Variants in CIROP observed in about 807,000 individuals in gnomAD.
The protein encoded by CIROP is leishmanolysin homolog.
the CIROP span, chr14:23,099,473 C>A: frequency 2.4e-6 from 1 of 412,762 alleles, no homozygotes; most frequent in South Asian, 1.3e-4. Context: ...GGATTATGGT[C>A]TGAAGTAACC....
At chr14:23,103,500 G>A in the CIROP span, 1 of 570,068 alleles carries the variant, frequency 1.8e-6, no homozygotes, top group Non-Finnish European at 3.1e-6. Context: ...GCTGCGGTGA[G>A]CTGTGATTGG....
the CIROP span, chr14:23,100,493 A>C: frequency 4.8e-6 from 2 of 413,350 alleles, no homozygotes; most frequent in Non-Finnish European, 8.8e-6. Flanking sequence ...AGTACTTGGA[A>C]TATCTTACTT....
At chr14:23,099,387 T>C in the CIROP span, 3 of 413,414 alleles carry the variant, frequency 7.3e-6, no homozygotes, top group Non-Finnish European at 1.3e-5. Flanking sequence ...TCTGGTAGGC[T>C]GTGGTTCCCA....
At chr14:23,100,877 G>A in the CIROP span, 2 of 398,930 alleles carry the variant, frequency 5.0e-6, no homozygotes, top group Admixed American at 4.4e-5. Context: ...GCTCGCCAAA[G>A]CCTCCAGTAC....
At chr14:23,102,135 G>C in the CIROP span, 3 of 702,844 alleles carry the variant, frequency 4.3e-6, no homozygotes, top group Non-Finnish European at 7.8e-6. Context: ...GGTTGACCTG[G>C]TACCAGCCTG....
the CIROP span, chr14:23,100,276 G>T: frequency 4.8e-5 from 18 of 377,036 alleles, no homozygotes; most frequent in African/African-American, 3.3e-4. Flanking sequence ...AGAAAAAGGT[G>T]GGGGGAGGGG....
the CIROP span, chr14:23,101,243 C>T: frequency 2.9e-5 from 13 of 449,440 alleles, no homozygotes; most frequent in Admixed American, 3.8e-5. Context: ...AAGTATTTCC[C>T]GACTTCTTTT....
At chr14:23,103,268 G>C in the CIROP span, 1 of 402,944 alleles carries the variant, frequency 2.5e-6, no homozygotes. Context: ...ACTGCTTTTG[G>C]CTGGGCATGG....
At chr14:23,101,972 C>T in the CIROP span, 1 of 701,252 alleles carries the variant, frequency 1.4e-6, no homozygotes, top group Non-Finnish European at 2.6e-6. Flanking sequence ...CATCCTTCAG[C>T]ACCAGCTATC....
chr14:23,104,844 T>C, the CIROP span: 2 of 702,422 alleles, frequency 2.8e-6, no homozygotes, highest in Non-Finnish European at 5.2e-6. Context: ...CTGTGTCTCA[T>C]CATGTAGACA....
At chr14:23,102,611 C>T in the CIROP span, 2 of 702,892 alleles carry the variant, frequency 2.8e-6, no homozygotes, top group South Asian at 3.0e-5. Flanking sequence ...AGTCCTTAAC[C>T]TCATTCCTCT....
At chr14:23,103,894 T>G in the CIROP span, 1 of 648,754 alleles carries the variant, frequency 1.5e-6, no homozygotes, top group Non-Finnish European at 2.8e-6. Context: ...TAGGGGAGAA[T>G]GAATCTCTTT....
the CIROP span, chr14:23,101,761 G>GA: frequency 1.4e-6 from 1 of 702,872 alleles, no homozygotes; most frequent in Non-Finnish European, 2.6e-6. Context: ...TGGCAGCCCA[G>GA]CCCACTGTGT....
chr14:23,099,266 C>A, the CIROP span: 7 of 413,370 alleles, frequency 1.7e-5, no homozygotes, highest in Non-Finnish European at 3.1e-5. Context: ...TACCCCCTGT[C>A]ATGTTCTGGG....
At chr14:23,104,689 A>C in the CIROP span, 1 of 702,920 alleles carries the variant, frequency 1.4e-6, no homozygotes, top group Non-Finnish European at 2.6e-6. Context: ...TCAGGATCCC[A>C]AGCTCCATCT....
At chr14:23,103,854 C>T in the CIROP span, 1 of 693,054 alleles carries the variant, frequency 1.4e-6, no homozygotes, top group Non-Finnish European at 2.6e-6. Flanking sequence ...AGCAGAGGGG[C>T]TGGAACAGTA....
At chr14:23,099,710 C>G in the CIROP span, 3 of 334,146 alleles carry the variant, frequency 9.0e-6, no homozygotes, top group African/African-American at 2.1e-5. Flanking sequence ...CAGGCGCACG[C>G]CGCACCACCA....
At chr14:23,104,372 G>A in the CIROP span, 32 of 702,626 alleles carry the variant, frequency 4.6e-5, no homozygotes, top group South Asian at 1.6e-4. Context: ...CATTGTCAAC[G>A]ACGTGAACTC....
chr14:23,101,394 G>T, the CIROP span: 2 of 580,334 alleles, frequency 3.4e-6, no homozygotes, highest in African/African-American at 3.7e-5. Context: ...AGCGGCCCAT[G>T]AGCTCTGCTT....
Sources: gnomAD v4.1 joint callset for allele counts on GRCh38, gnomAD v4.1.1 for gene constraint, MANE v1.5 for transcripts, NCBI Gene and HGNC (gene_info 2026-07-23, HGNC 2026-07-21) for gene names.